RIF1: variants seen among roughly 807,000 people sequenced by gnomAD.
The protein encoded by RIF1 is replication timing regulatory factor 1, also known as telomere-associated protein RIF1.
RIF1 carries 45 observed loss-of-function variants against 247.1 expected under a neutral mutation model. The ratio of observed to expected loss-of-function variants is 0.18; its 90% CI spans 0.14 to 0.23. RIF1 has a LOEUF of 0.23. RIF1 is among the 10% of genes least tolerant of loss of function. The probability of loss-of-function intolerance (pLI) is 1.00; values close to 1 mark genes in which losing one functional copy is unlikely to be tolerated. For synonymous variants in RIF1, 1,087 were observed against 978.8 expected, an observed-to-expected ratio of 1.11 and a Z score of -2.06; for missense variants, 2,967 against 2,862.5, an observed-to-expected ratio of 1.04 and a Z score of -0.83.
Position 151,464,729 on chromosome 2 carries a change from G to GA in RIF1, c.5214dup (p.Ser1739IlefsTer17), listed in dbSNP as rs1262076107. On this transcript the variant is annotated frameshift_variant, in exon 30 of 36. Coordinates refer to ENST00000444746, the MANE Select transcript of RIF1 (RefSeq NM_018151.5). LOFTEE classifies it high-confidence loss of function. ...ATCTAAAGGTTGTGATTGCTGTGGG[G>GA]AAAAATCACAACCTCAGGAAAAGTC... is the stretch of plus-strand genomic sequence containing the variant. The GA allele has an allele frequency of 6.2e-7, 1 of 1,613,282 alleles. No individual in the cohort carries two copies. The highest frequency in any genetic ancestry group is 1.7e-5 in the Admixed American group (1 of 59,890).
chr2:151,413,666 C>T (rs1686677013), intron 3 of RIF1, among the ~76,000 whole-genome samples: 1 of 152,170 alleles, frequency 6.6e-6, no homozygotes, highest in Non-Finnish European at 1.5e-5. Flanking sequence ...AGTATTAAGC[C>T]TTACTTAGTT....
At chr2:151,447,819 G>A (rs2152419556) in intron 20 of RIF1, among the ~76,000 whole-genome samples, 1 of 152,276 alleles carries the variant, frequency 6.6e-6, no homozygotes, top group East Asian at 1.9e-4. Context: ...AGGATTACAG[G>A]CGTGAGCCAT....
At chr2:151,423,080 A>G (rs1021657954) in intron 8 of RIF1, 38 bp downstream of exon 8, 2 of 1,053,950 alleles carry the variant, frequency 1.9e-6, no homozygotes, top group East Asian at 2.4e-5. Context: ...CAGTTTTTAC[A>G]TGCTGGACTC....
At chr2:151,490,049 G>T in intron 9 of RIF1, 1 of 1,611,312 alleles carries the variant, frequency 6.2e-7, no homozygotes, top group Non-Finnish European at 8.5e-7. Context: ...GTTGTTGTGG[G>T]AGCTCTGTGG....
chr2:151,434,894 G>A (rs746275009), intron 10 of RIF1, among the ~76,000 whole-genome samples: 2 of 152,092 alleles, frequency 1.3e-5, no homozygotes, highest in Admixed American at 6.6e-5. Flanking sequence ...GCATAGCAGG[G>A]AATGCATTCT....
the RIF1 span, chr2:151,526,279 AGGG>A: frequency 6.4e-7 from 1 of 1,550,680 alleles, no homozygotes; most frequent in South Asian, 1.1e-5. Context: ...GGGCAGGAAA[AGGG>A]GCATTTCTTT....
chr2:151,428,985 G>T, intron 9 of RIF1, 63 bp downstream of exon 9: 1 of 1,091,634 alleles, frequency 9.2e-7, no homozygotes, highest in South Asian at 1.5e-5. Flanking sequence ...CAAGATAAAT[G>T]AAGTTTTTCT....
At chr2:151,447,850 G>T (rs1693594274) in intron 20 of RIF1, among the ~76,000 whole-genome samples, 1 of 152,110 alleles carries the variant, frequency 6.6e-6, no homozygotes, top group Admixed American at 6.5e-5. Context: ...CTGGAATTCT[G>T]TTATTTTAAG....
Position 151,465,796 on chromosome 2 carries a change from T to G in RIF1, c.6276T>G (p.Ser2092Arg), listed in dbSNP as rs140321267. 1 of 1,613,004 alleles carries G rather than the reference T, an allele frequency of 6.2e-7. No individual in the cohort carries two copies. Among genetic ancestry groups the G allele is most frequent in the African/African-American group, 1.3e-5 (1 of 74,880 alleles). ...ANKTETNTEY[S>R]KSEEKLDNNQ... ...AAACTGAAACAAATACTGAGTATAG[T>G]AAATCTGAAGAAAAATTAGATAACA... Residue 2092 changes from serine (S) to arginine (R), a missense_variant, in exon 30 of 36, where the codon AGT becomes AGG. By Grantham distance (110) the Ser-to-Arg change is moderately radical (BLOSUM62 -1). This residue lies in a region of RIF1 where 2,028 missense variants were observed against 1,825.6 expected (regional missense o/e 1.11). Transcript: ENST00000444746.
Position 151,468,512 on chromosome 2 carries a change from A to T in RIF1, c.6786A>T (p.Gly2262=). ...TTSAKGFLSP[G]SRSPKFKSSK... is the part of the protein sequence containing the mutation. Reference sequence around the variant, plus strand: ...CAGCCAAAGGATTTCTGTCCCCAGGATCACGTAGCCCTAAATTTAAGAGCT... The same window carrying T: ...CAGCCAAAGGATTTCTGTCCCCAGGTTCACGTAGCCCTAAATTTAAGAGCT... Residue 2262 remains glycine, a synonymous_variant, in exon 32 of 36, where the codon GGA becomes GGT. Coordinates refer to ENST00000444746, the MANE Select transcript of RIF1 (RefSeq NM_018151.5). 6.2e-7 allele frequency: 1 copy of T among 1,613,778 alleles called. No individual in the cohort carries two copies. Among genetic ancestry groups the T allele is most frequent in the South Asian group, 1.1e-5 (1 of 91,078 alleles).
In RIF1 at chr2:151,465,786, C is replaced by T. The variant is rs373604071; in HGVS notation, c.6266C>T (p.Thr2089Ile). 3.1e-6 allele frequency: 5 copies of T among 1,612,618 alleles called. No individual in the cohort carries two copies. In the African/African-American group the frequency reaches 4.0e-5, roughly 13 times the overall value. The change falls in exon 30 of 36, where the codon ACT (threonine) becomes ATT (isoleucine). Residue 2089 changes from threonine (T) to isoleucine (I), a missense_variant. This residue lies in a region of RIF1 where 2,028 missense variants were observed against 1,825.6 expected (regional missense o/e 1.11). Transcript: ENST00000444746. ...GACGCTAATAAAACTGAAACAAATACTGAGTATAGTAAATCTGAAGAAAAA... is the reference window on the plus strand; with the variant it reads ...GACGCTAATAAAACTGAAACAAATATTGAGTATAGTAAATCTGAAGAAAAA... ...IIDANKTETNTEYSKSEEKLD... is the reference protein window; with the variant it reads ...IIDANKTETNIEYSKSEEKLD...
intron 9 of RIF1, chr2:151,494,094 A>G: frequency 7.6e-7 from 1 of 1,318,568 alleles, no homozygotes; most frequent in Non-Finnish European, 1.1e-6. Flanking sequence ...GGACAGGGTT[A>G]GGAGCAGGCC....
At chr2:151,471,220 A>G (rs1047506937) in intron 34 of RIF1, among the ~76,000 whole-genome samples, 13 of 152,124 alleles carry the variant, frequency 8.5e-5, no homozygotes, top group Non-Finnish European at 1.3e-4. Flanking sequence ...TTTATCCTCA[A>G]AAATTTCCGT....
rs1696311512 is a variant in RIF1, at chr2:151,462,308, T to A, written c.3294T>A (p.Ser1098Arg). ...AAGATACCTTATTTACTCAGTATAGTCAGGAAGAGCCTATGTAAGTACAGA... is the reference window on the plus strand; with the variant it reads ...AAGATACCTTATTTACTCAGTATAGACAGGAAGAGCCTATGTAAGTACAGA... ...VSQDTLFTQYSQEEPMEIPTL... is the reference protein window; with the variant it reads ...VSQDTLFTQYRQEEPMEIPTL... The change falls in exon 28 of 36, where the codon AGT becomes AGA. Residue 1098 changes from serine to arginine, a missense_variant. Transcript: ENST00000444746. 2 of 1,582,690 alleles carry A rather than the reference T, an allele frequency of 1.3e-6. No homozygotes were observed. Among genetic ancestry groups the A allele is most frequent in the African/African-American group, 2.7e-5 (2 of 74,438 alleles).
chr2:151,512,019 CTTTTTT>C (rs71403173), downstream of RIF1, among the ~76,000 whole-genome samples: 7 of 93,586 alleles, frequency 7.5e-5, no homozygotes, highest in South Asian at 3.7e-4. Context: ...CCCTCTCACT[CTTTTTT>C]TTTTTTTTTT....
the RIF1 span, chr2:151,513,556 T>C: frequency 2.0e-6 from 3 of 1,521,930 alleles, no homozygotes; most frequent in African/African-American, 1.4e-5. Flanking sequence ...TCCTGAAAGA[T>C]TGACATCGAA....
Position 151,467,695 on chromosome 2 carries a change from C to A in RIF1, c.6601-305C>A, listed in dbSNP as rs138523468. Among the ~76,000 whole-genome samples the A allele has an allele frequency of 2.3e-3, 356 of 152,240 alleles. 9 individuals carry two copies. In the East Asian group the frequency reaches 0.046, roughly 20 times the overall value. Reference sequence around the variant, plus strand: ...TCTAGTCTGGTAATCCCATAAAGTTCCTAGAATCAGATCGTACACTTTTAA... The same window carrying A: ...TCTAGTCTGGTAATCCCATAAAGTTACTAGAATCAGATCGTACACTTTTAA... On this transcript the variant is annotated intron_variant, in intron 30 of 35. Coordinates refer to ENST00000444746, the MANE Select transcript of RIF1 (RefSeq NM_018151.5).
the RIF1 span, among the ~76,000 whole-genome samples, chr2:151,530,479 A>T: frequency 6.6e-6 from 1 of 152,182 alleles, no homozygotes; most frequent in African/African-American, 2.4e-5. Flanking sequence ...AGGGAGCCAT[A>T]GTGGGGTTTA....
downstream of RIF1, chr2:151,486,042 C>A: frequency 8.7e-7 from 1 of 1,145,958 alleles, no homozygotes; most frequent in South Asian, 1.4e-5. Context: ...TTAAGTTGAA[C>A]AAAAGAGAAT....
Sources: allele counts gnomAD v4.1 joint callset (sites outside exome capture counted in the v4.1 genomes callset), GRCh38; gene constraint gnomAD v4.1.1; regional missense constraint gnomAD v4.1.1; transcripts MANE v1.5; gene names NCBI Gene and HGNC (gene_info 2026-07-23, HGNC 2026-07-21).